SEC14L4: variants seen among roughly 807,000 people sequenced by gnomAD.
SEC14L4 encodes the protein SEC14-like protein 4.
A neutral mutation model predicts 55.1 loss-of-function variants in SEC14L4; 42 were observed. The observed-to-expected ratio is 0.76, with a 90% confidence interval of 0.60 to 0.99. The LOEUF (loss-of-function observed/expected upper bound fraction) is 0.99, where lower values mean the gene tolerates loss of function less well. SEC14L4 is among the 50% of genes least tolerant of loss of function. The pLI is 0.00. For synonymous variants in SEC14L4, 206 were observed against 206.8 expected, an observed-to-expected ratio of 1.00 and a Z score of 0.03; for missense variants, 445 against 512.1, an observed-to-expected ratio of 0.87 and a Z score of 1.27.
At chr22:30,499,612 G>A (rs1385296890) in intron 2 of SEC14L4, among the ~76,000 whole-genome samples, 1 of 151,374 alleles carries the variant, frequency 6.6e-6, no homozygotes, top group Non-Finnish European at 1.5e-5. Context: ...GGTGGCTCAT[G>A]CCTGTAATCC....
In SEC14L4 at chr22:30,495,100, C is replaced by A; in HGVS notation, c.424-139G>T. On this transcript the variant is annotated intron_variant, in intron 5 of 11. Coordinates refer to ENST00000255858, the MANE Select transcript of SEC14L4 (RefSeq NM_174977.4). ...CAGCGTTTTCCAGACAGATGGACAA[C>A]ACCTCACTTTTACGGGTGGGTAAGG... The A allele has an allele frequency of 4.4e-6, 4 of 914,544 alleles. No individual in the cohort carries two copies. The South Asian group carries it at 6.4e-5, about 15-fold the overall frequency. 56.7% of individuals were successfully genotyped at this position (914,544 alleles called of 1,614,324 possible). A position where few individuals can be genotyped will look rare whatever the true frequency, so the allele number is the denominator to read the frequency against.
intron 7 of SEC14L4, among the ~76,000 whole-genome samples, chr22:30,493,687 T>C (rs1936041270): frequency 6.6e-6 from 1 of 152,146 alleles, no homozygotes; most frequent in Non-Finnish European, 1.5e-5. Flanking sequence ...AAAATATCAG[T>C]CTGTGAAGGA....
At position 30,495,362 on chromosome 22, in the gene SEC14L4, G is replaced by A. The variant is rs749667724; in HGVS notation, c.315C>T (p.Ser105=). The stretch of plus-strand genomic sequence containing the variant: ...ACAGCAGGAGACCCTTGGGGTCGAG[G>A]GACCCAATGATGTTGAAGTACACAG... The part of the protein sequence containing the change: ...GCPVYFNIIG[S]LDPKGLLLSA... Residue 105 remains serine, a synonymous_variant, in exon 5 of 12, where the codon TCC becomes TCT. Transcript: ENST00000255858. 1.2e-6 allele frequency: 2 copies of A among 1,613,998 alleles called. No homozygotes were observed. Among genetic ancestry groups the A allele is most frequent in the East Asian group, 4.5e-5 (2 of 44,860 alleles).
chr22:30,500,950 C>T (rs922658471), intron 2 of SEC14L4, among the ~76,000 whole-genome samples: 5 of 151,254 alleles, frequency 3.3e-5, no homozygotes, highest in Admixed American at 1.3e-4. Flanking sequence ...AATCCCCGCA[C>T]TTTGAGAGGC....
Position 30,489,897 on chromosome 22 carries a change from G to T in SEC14L4, c.*210C>A, listed in dbSNP as rs1458096800. ...GCATTCTCTGGGAACAGGGAAAGAG[G>T]TTCCTGTCTGAATCTTCAGCATGGG... On this transcript the variant is annotated 3_prime_UTR_variant, in exon 12 of 12. Transcript: ENST00000255858. The T allele has an allele frequency of 6.4e-7, 1 of 1,551,764 alleles. No individual in the cohort carries two copies. The highest frequency in any genetic ancestry group is 1.4e-5 in the African/African-American group (1 of 73,168).
chr22:30,491,938 G>C lies in SEC14L4; in HGVS notation c.807C>G (p.Tyr269Ter). 6.2e-7 allele frequency: 1 copy of C among 1,614,046 alleles called. No homozygotes were observed. Among genetic ancestry groups the C allele is most frequent in the South Asian group, 1.1e-5 (1 of 91,058 alleles). Reference protein sequence around the residue: ...NYGGEVPKSYYLCEQVRLQYE... With the variant: ...NYGGEVPKSY ...ACTGCAGCCTCACCTGCTCGCACAG[G>C]TAGTAGCTCTTGGGCACCTCACCCC... Residue 269 changes from tyrosine to a stop codon, truncating the protein, a stop_gained, in exon 10 of 12, where the codon TAC (tyrosine) becomes TAG (stop). Coordinates refer to ENST00000255858, the MANE Select transcript of SEC14L4 (RefSeq NM_174977.4). LOFTEE classifies it high-confidence loss of function.
intron 2 of SEC14L4, among the ~76,000 whole-genome samples, chr22:30,499,365 G>A (rs1936249758): frequency 6.6e-6 from 1 of 151,480 alleles, no homozygotes; most frequent in Non-Finnish European, 1.5e-5. Flanking sequence ...TTACAGGTGT[G>A]AGCCACCGCA....
At position 30,495,384 on chromosome 22, in the gene SEC14L4, A is replaced by G. The variant is rs1007181065; in HGVS notation, c.293T>C (p.Val98Ala). The change falls in exon 5 of 12, where the codon GTG (valine) becomes GCG (alanine). Residue 98 changes from valine to alanine, a missense_variant. Transcript: ENST00000255858. The stretch of plus-strand genomic sequence containing the variant: ...GAGGGACCCAATGATGTTGAAGTAC[A>G]CAGGGCAGCCTTCGTAGTCGTAGCC... The part of the protein sequence containing the change: ...LCGYDYEGCP[V>A]YFNIIGSLDP... 3.1e-6 allele frequency: 5 copies of G among 1,613,994 alleles called. No homozygotes were observed. In the Admixed American group the frequency reaches 8.3e-5, roughly 27 times the overall value.
At chr22:30,504,959 C>T (rs1936445188) in intron 1 of SEC14L4, among the ~76,000 whole-genome samples, 1 of 151,992 alleles carries the variant, frequency 6.6e-6, no homozygotes, top group African/African-American at 2.4e-5. Context: ...TGGTGAAACC[C>T]CGTCTCTACT....
intron 5 of SEC14L4, 39 bp from the exon 6 acceptor site, chr22:30,495,000 C>A: frequency 6.4e-7 from 1 of 1,559,786 alleles, no homozygotes; most frequent in Non-Finnish European, 8.8e-7. Context: ...ACGACAGCTC[C>A]AGCCAGGAGA....
chr22:30,492,806 AG>A (rs879891727), intron 7 of SEC14L4: 1 of 435,744 alleles, frequency 2.3e-6, no homozygotes, highest in Non-Finnish European at 4.2e-6. Context: ...GTCTCAGGCC[AG>A]GCGCAGTGGC....
intron 2 of SEC14L4, among the ~76,000 whole-genome samples, chr22:30,499,557 G>A (rs1569245835): frequency 1.3e-5 from 2 of 151,060 alleles, no homozygotes; most frequent in East Asian, 4.1e-4. Context: ...GGCCAACATG[G>A]TGAAACCCTG....
rs777949012 is a variant in SEC14L4 at position 30,490,283 on chromosome 22, CCGCACA to C, written c.1082-43_1082-38del. On this transcript the variant is annotated intron_variant, in intron 11 of 11. Transcript: ENST00000255858. ...GAGAGGTGATCAGGGAGCACAAACCCCGCACATCTGCAGGAAGAGCCAGCCCTGCAT... is the reference window on the plus strand; with the variant it reads ...GAGAGGTGATCAGGGAGCACAAACCCTCTGCAGGAAGAGCCAGCCCTGCAT... 16 of 1,608,052 alleles carry C rather than the reference CCGCACA, an allele frequency of 9.9e-6. No homozygotes were observed. In the Admixed American group the frequency reaches 2.7e-4, roughly 27 times the overall value.
At chr22:30,504,381 T>C (rs1327168860) in intron 1 of SEC14L4, among the ~76,000 whole-genome samples, 2 of 152,166 alleles carry the variant, frequency 1.3e-5, no homozygotes, top group Non-Finnish European at 2.9e-5. Context: ...CAAGGATCCC[T>C]GGGAGAGTCT....
In SEC14L4 at chr22:30,489,568, A is replaced by G; in HGVS notation, c.*539T>C. The G allele has an allele frequency of 1.9e-6, 1 of 522,984 alleles. No homozygotes were observed. 32.4% of individuals were successfully genotyped at this position (522,984 alleles called of 1,614,324 possible). Reference sequence around the variant, plus strand: ...TTCCAATTTTCCATCCAGTGGTGGCAGAACAAACTTGGATGGGCCCCAGTG... The same window carrying G: ...TTCCAATTTTCCATCCAGTGGTGGCGGAACAAACTTGGATGGGCCCCAGTG... On this transcript the variant is annotated 3_prime_UTR_variant, in exon 12 of 12. Coordinates refer to ENST00000255858, the MANE Select transcript of SEC14L4 (RefSeq NM_174977.4).
chr22:30,500,749 A>G (rs1430339078), intron 2 of SEC14L4, among the ~76,000 whole-genome samples: 2 of 122,264 alleles, frequency 1.6e-5, no homozygotes, highest in African/African-American at 6.4e-5. Flanking sequence ...GGATATGAGA[A>G]CAGAATTTTT....
In SEC14L4 at chr22:30,492,544, G is replaced by T. The variant is rs1936000034; in HGVS notation, c.594C>A (p.Phe198Leu). 1 of 1,613,146 alleles carries T rather than the reference G, an allele frequency of 6.2e-7. No homozygotes were observed. Among genetic ancestry groups the T allele is most frequent in the Admixed American group, 1.7e-5 (1 of 59,986 alleles). ...ACTTGACCAAGTTGAAGGCCACGGG[G>T]AACAGTTTTGGGGCTGAAACACATG... The part of the protein sequence containing the change: ...NLIVIRAPKL[F>L]PVAFNLVKSF... The change falls in exon 8 of 12, where the codon TTC (phenylalanine) becomes TTA (leucine). Residue 198 changes from phenylalanine (F) to leucine (L), a missense_variant. Physicochemically the swap from Phe to Leu is conservative, Grantham distance 22 (BLOSUM62 0). Transcript: ENST00000255858.
At chr22:30,495,869 A>G (rs1936132874) in intron 3 of SEC14L4, 59 bp downstream of exon 3, 1 of 1,595,752 alleles carries the variant, frequency 6.3e-7, no homozygotes, top group African/African-American at 1.3e-5. Context: ...ACCCTTTTGC[A>G]GCAAATCCCT....
In SEC14L4 at chr22:30,495,439, T is replaced by C. The variant is rs975564285; in HGVS notation, c.238A>G (p.Ile80Val). The change falls in exon 5 of 12, where the codon ATC becomes GTC. Residue 80 changes from isoleucine (I) to valine (V), a missense_variant. By Grantham distance (29) the Ile-to-Val change is conservative. Transcript: ENST00000255858. ...AGACCACCCGAGTCATACAGCTGGA[T>C]GACCTGGAAGTGTGGGTAAGGTCCC... ...NIVTWQPPEVIQLYDSGGLCG... is the reference protein window; with the variant it reads ...NIVTWQPPEVVQLYDSGGLCG... 6.2e-7 allele frequency: 1 copy of C among 1,613,452 alleles called. No homozygotes were observed. Among genetic ancestry groups the C allele is most frequent in the South Asian group, 1.1e-5 (1 of 90,952 alleles).
Sources: gnomAD v4.1 joint callset for allele counts (sites outside exome capture counted in the v4.1 genomes callset) on GRCh38, gnomAD v4.1.1 for gene constraint, MANE v1.5 for transcripts, NCBI Gene and HGNC (gene_info 2026-07-23, HGNC 2026-07-21) for gene names.